CCNT2: variants seen among roughly 807,000 people sequenced by gnomAD.
CCNT2 encodes cyclin-T2.
Under a neutral mutation model 70.0 loss-of-function variants are expected in CCNT2, and 18 were observed. That is an observed-to-expected ratio of 0.26 (90% CI 0.18 to 0.38). The LOEUF (loss-of-function observed/expected upper bound fraction) is 0.38. CCNT2 is among the 10% of genes least tolerant of loss of function. The pLI is 1.00. For synonymous variants in CCNT2, 334 were observed against 313.3 expected (o/e 1.07, Z -0.70); for missense variants, 734 against 890.2 (o/e 0.82, Z 2.23).
intron 7 of CCNT2, among the ~76,000 whole-genome samples, chr2:134,948,649 G>C (rs1279623732): frequency 6.6e-6 from 1 of 152,062 alleles, no homozygotes; most frequent in Non-Finnish European, 1.5e-5. Flanking sequence ...AAGCCGGCCA[G>C]AAATGGGAGA....
At chr2:134,945,946 A>T in intron 5 of CCNT2, 155 bp from the exon 6 acceptor site, 1 of 1,546,500 alleles carries the variant, frequency 6.5e-7, no homozygotes, top group Non-Finnish European at 8.7e-7. Flanking sequence ...TTTCAGTAGT[A>T]TAGAAAATGA....
rs564910212 is a variant in CCNT2 at position 134,942,795 on chromosome 2, T to G, written c.493+121T>G. ...GTTTCATTAAAATTAGGGAGAAATGTCATTTTTTAAGCATTACTTTTTAGT... is the reference window on the plus strand; with the variant it reads ...GTTTCATTAAAATTAGGGAGAAATGGCATTTTTTAAGCATTACTTTTTAGT... On this transcript the variant is annotated intron_variant, in intron 5 of 8. Coordinates refer to ENST00000264157, the MANE Select transcript of CCNT2 (RefSeq NM_058241.3). 6 of 1,401,104 alleles carry G rather than the reference T, an allele frequency of 4.3e-6. No individual in the cohort carries two copies. In the African/African-American group the frequency reaches 8.8e-5, roughly 21 times the overall value. 86.8% of individuals were successfully genotyped at this position (1,401,104 alleles called of 1,614,324 possible). A position where few individuals can be genotyped will look rare whatever the true frequency, so the allele number is the denominator to read the frequency against.
intron 5 of CCNT2, chr2:134,945,306 A>G (rs759943972): frequency 5.1e-6 from 5 of 985,398 alleles, no homozygotes; most frequent in Non-Finnish European, 6.0e-6. Context: ...AAGATATGTC[A>G]GTGCTTGTGG....
chr2:134,928,321 C>T (rs1680461213), intron 2 of CCNT2, among the ~76,000 whole-genome samples: 1 of 132,796 alleles, frequency 7.5e-6, no homozygotes, highest in African/African-American at 2.9e-5. Flanking sequence ...TCTTGTTGCC[C>T]AGGCTGGAGT....
chr2:134,945,620 T>A, intron 5 of CCNT2: 1 of 985,428 alleles, frequency 1.0e-6, no homozygotes, highest in Non-Finnish European at 1.2e-6. Flanking sequence ...CTGAGCAGTT[T>A]GTGCTCTGTG....
At chr2:134,940,053 C>A (rs529308771) in intron 4 of CCNT2, among the ~76,000 whole-genome samples, 119 of 152,280 alleles carry the variant, frequency 7.8e-4, no homozygotes, top group African/African-American at 2.4e-3. Flanking sequence ...ACCTGTTGTA[C>A]CTCCATTCTG....
In CCNT2 at chr2:134,954,173, A is replaced by G. The variant is rs1407239668; in HGVS notation, c.1718A>G (p.His573Arg). The G allele has an allele frequency of 6.2e-7, 1 of 1,614,212 alleles. No homozygotes were observed. Among genetic ancestry groups the G allele is most frequent in the Non-Finnish European group, 8.5e-7 (1 of 1,180,026 alleles). ...TCAAGCCGCCACCACACCAGCAGCC[A>G]CAAGCATTCCCACTCGCATAGTGGC... is the stretch of plus-strand genomic sequence containing the variant. ...HPSSRHHTSS[H>R]KHSHSHSGSS... is the part of the protein sequence containing the mutation. Residue 573 changes from histidine to arginine, a missense_variant, in exon 9 of 9, where the codon CAC (histidine) becomes CGC (arginine). Transcript: ENST00000264157.
intron 2 of CCNT2, among the ~76,000 whole-genome samples, chr2:134,924,534 C>T (rs1680139719): frequency 2.0e-5 from 3 of 152,146 alleles, no homozygotes; most frequent in South Asian, 4.1e-4. Context: ...GCTGCAACCT[C>T]CGCCTCCTGA....
chr2:134,954,228 C>G lies in CCNT2; in HGVS notation c.1773C>G (p.Ala591=), dbSNP rs766235307. ...GCAGCGGTGGCAGTAAACACAGTGC[C>G]GACGGAATACCACCCACTGTTCTGA... ...GSSSGGSKHS[A]DGIPPTVLRS... is the part of the protein sequence containing the mutation. Residue 591 remains alanine, a synonymous_variant, in exon 9 of 9, where the codon GCC becomes GCG. Transcript: ENST00000264157. 2 of 1,614,066 alleles carry G rather than the reference C, an allele frequency of 1.2e-6. No homozygotes were observed. Among genetic ancestry groups the G allele is most frequent in the Non-Finnish European group, 1.7e-6 (2 of 1,180,022 alleles).
chr2:134,925,277 G>A (rs1211382299), intron 2 of CCNT2, among the ~76,000 whole-genome samples: 6 of 152,082 alleles, frequency 3.9e-5, no homozygotes, highest in African/African-American at 1.4e-4. Flanking sequence ...CCAGTGGCAC[G>A]TATCATATAG....
At chr2:134,948,260 G>A (rs974986649) in intron 7 of CCNT2, among the ~76,000 whole-genome samples, 3 of 152,056 alleles carry the variant, frequency 2.0e-5, no homozygotes, top group Non-Finnish European at 4.4e-5. Flanking sequence ...TCAGGGCTGC[G>A]GTAAGCCTTG....
chr2:134,956,528 C>G lies in CCNT2; in HGVS notation c.*1880C>G, dbSNP rs1274381961. 2 of 152,266 alleles carry G rather than the reference C, an allele frequency of 1.3e-5. No individual in the cohort carries two copies. The highest frequency in any genetic ancestry group is 2.9e-5 in the Non-Finnish European group (2 of 67,980). The allele number at this position is 152,266 out of a possible 1,614,324, so 9.4% of individuals were successfully genotyped here. ...TTATACTTTTACAGTGGTACATAAT[C>G]CAAGGACTAGTATAGAATTAAGCTG... On this transcript the variant is annotated 3_prime_UTR_variant, in exon 9 of 9. Coordinates refer to ENST00000264157, the MANE Select transcript of CCNT2 (RefSeq NM_058241.3).
At chr2:134,931,262 C>CTTTTTTTTTTTTTTTTT (rs112471982) in intron 2 of CCNT2, among the ~76,000 whole-genome samples, 606 of 42,408 alleles carry the variant, frequency 0.014, 108 homozygotes, top group South Asian at 0.021. Flanking sequence ...ATGCCCGGAT[C>CTTTTTTTTTTTTTTTTT]TTTTTTTTTT....
intron 4 of CCNT2, 50 bp from the exon 5 acceptor site, chr2:134,942,562 C>A: frequency 2.3e-6 from 3 of 1,308,892 alleles, no homozygotes; most frequent in Non-Finnish European, 2.2e-6. Flanking sequence ...ATTTCTCAGG[C>A]AAGTACTGTA....
At chr2:134,940,248 T>G (rs1169130941) in intron 4 of CCNT2, among the ~76,000 whole-genome samples, 2 of 152,178 alleles carry the variant, frequency 1.3e-5, no homozygotes, top group African/African-American at 4.8e-5. Flanking sequence ...AGCACGGGTT[T>G]GAACTCCATG....
chr2:134,958,507 G>C lies in CCNT2; in HGVS notation c.*3859G>C, dbSNP rs1461198698. 3.3e-5 allele frequency: 5 copies of C among 152,202 alleles called. No individual in the cohort carries two copies. Among genetic ancestry groups the C allele is most frequent in the Non-Finnish European group, 7.3e-5 (5 of 68,042 alleles). 9.4% of individuals were successfully genotyped at this position (152,202 alleles called of 1,614,324 possible). A position where few individuals can be genotyped will look rare whatever the true frequency, so the allele number is the denominator to read the frequency against. On this transcript the variant is annotated 3_prime_UTR_variant, in exon 9 of 9. Coordinates refer to ENST00000264157, the MANE Select transcript of CCNT2 (RefSeq NM_058241.3). Reference sequence around the variant, plus strand: ...ATGTGCCCTAAGATGGACTTATTTAGATAGGGATTTTTGCATTGGAAAAGC... The same window carrying C: ...ATGTGCCCTAAGATGGACTTATTTACATAGGGATTTTTGCATTGGAAAAGC...
chr2:134,918,860 G>T lies in CCNT2; in HGVS notation c.6G>T (p.Ala2=). Residue 2 remains alanine (A), a synonymous_variant, in exon 1 of 9, where the codon GCG becomes GCT. Coordinates refer to ENST00000264157, the MANE Select transcript of CCNT2 (RefSeq NM_058241.3). ...CGGGCGGAGGAGGAAGTGTCATGGCGTCGGGCCGTGGAGCTTCTTCTCGCT... is the reference window on the plus strand; with the variant it reads ...CGGGCGGAGGAGGAAGTGTCATGGCTTCGGGCCGTGGAGCTTCTTCTCGCT... M[A]SGRGASSRWF... 1.2e-6 allele frequency: 2 copies of T among 1,613,024 alleles called. No homozygotes were observed. The highest frequency in any genetic ancestry group is 1.7e-6 in the Non-Finnish European group (2 of 1,179,442).
chr2:134,919,938 A>G (rs1261467238), intron 2 of CCNT2, 47 bp downstream of exon 2: 2 of 1,322,078 alleles, frequency 1.5e-6, no homozygotes, highest in African/African-American at 2.9e-5. Context: ...TTGAGGGTAA[A>G]TCGATACGCA....
chr2:134,952,914 G>A, intron 8 of CCNT2: 1 of 490,740 alleles, frequency 2.0e-6, no homozygotes, highest in Non-Finnish European at 3.6e-6. Flanking sequence ...AAAATTTTTT[G>A]CAGTGATTAT....
Sources: allele counts gnomAD v4.1 joint callset (sites outside exome capture counted in the v4.1 genomes callset), GRCh38; gene constraint gnomAD v4.1.1; transcripts MANE v1.5; gene names NCBI Gene and HGNC (gene_info 2026-07-23, HGNC 2026-07-21).